The following S100PBP variants were observed in gnomAD, a reference collection of about 807,000 sequenced individuals.
The protein encoded by S100PBP is S100P binding protein.
S100PBP carries 15 observed loss-of-function variants against 39.9 expected under a neutral mutation model. That is an observed-to-expected ratio of 0.38 (90% CI 0.25 to 0.58). The LOEUF (loss-of-function observed/expected upper bound fraction) is 0.58, where lower values mean the gene tolerates loss of function less well. S100PBP is among the 20% of genes least tolerant of loss of function. The pLI, the probability that S100PBP is intolerant of heterozygous loss-of-function variation, is 0.70. For missense variants in S100PBP, 504 were observed against 487.3 expected (o/e 1.03, Z -0.32); for synonymous variants, 178 against 180.3 (o/e 0.99, Z 0.10).
intron 5 of S100PBP, among the ~76,000 whole-genome samples, chr1:32,841,024 G>A (rs953628463): frequency 1.3e-5 from 2 of 151,948 alleles, no homozygotes; most frequent in Non-Finnish European, 2.9e-5. Context: ...AGCTGGGCAT[G>A]GTGGCGGGTG....
intron 1 of S100PBP, chr1:32,818,611 T>C (rs370576325): frequency 1.3e-5 from 2 of 152,410 alleles, no homozygotes; most frequent in East Asian, 1.9e-4. Context: ...GCTTAGCGCA[T>C]CTGTTCTCTG....
rs1370702654 is a variant in S100PBP, at chr1:32,818,206, C to CT, written c.-120+518dup. ...CTGGGGGAGGGGCGGGGAGAAAACTCTCGCTTCTCCCGCTTTCCGCCGGGA... is the reference window on the plus strand; with the variant it reads ...CTGGGGGAGGGGCGGGGAGAAAACTCTTCGCTTCTCCCGCTTTCCGCCGGGA... On this transcript the variant is annotated intron_variant, in intron 1 of 6. Transcript: ENST00000373475. 8 of 152,288 alleles carry CT rather than the reference C, an allele frequency of 5.3e-5. No individual in the cohort carries two copies. In the East Asian group the frequency reaches 1.5e-3, roughly 29 times the overall value. The allele number at this position is 152,288 out of a possible 1,614,324, so 9.4% of individuals were successfully genotyped here. A position where few individuals can be genotyped will look rare whatever the true frequency, so the allele number is the denominator to read the frequency against.
intron 4 of S100PBP, 42 bp downstream of exon 4, chr1:32,828,123 C>G (rs751688473): frequency 2.2e-6 from 3 of 1,394,012 alleles, no homozygotes; most frequent in South Asian, 2.4e-5. Context: ...TATTTTGGTT[C>G]TCTTCAATTT....
intron 3 of S100PBP, among the ~76,000 whole-genome samples, chr1:32,827,607 G>A (rs1244148458): frequency 6.6e-6 from 1 of 151,866 alleles, no homozygotes; most frequent in African/African-American, 2.4e-5. Context: ...TCTCAGTCTC[G>A]AGTAGCTGGG....
intron 5 of S100PBP, among the ~76,000 whole-genome samples, chr1:32,840,927 G>C (rs574034720): frequency 6.6e-6 from 1 of 151,336 alleles, no homozygotes; most frequent in Admixed American, 6.6e-5. Flanking sequence ...TTGGGAGGCC[G>C]AGGTGGGCGG....
chr1:32,839,302 C>A (rs951846878), intron 5 of S100PBP, among the ~76,000 whole-genome samples: 2 of 152,202 alleles, frequency 1.3e-5, no homozygotes, highest in African/African-American at 4.8e-5. Context: ...TTTGTTGTTG[C>A]ATGTGTCAGA....
chr1:32,826,529 A>C lies in S100PBP; in HGVS notation c.430A>C (p.Ile144Leu). 2 of 1,614,084 alleles carry C rather than the reference A, an allele frequency of 1.2e-6. No homozygotes were observed. Among genetic ancestry groups the C allele is most frequent in the Non-Finnish European group, 1.7e-6 (2 of 1,180,028 alleles). The part of the protein sequence containing the change: ...NRRSVLEKNL[I>L]KVTVAPFNPT... The stretch of plus-strand genomic sequence containing the variant: ...ACGCTCTGTACTAGAAAAGAATCTT[A>C]TAAAAGTAACTGTTGCACCATTTAA... The change falls in exon 3 of 7, where the codon ATA becomes CTA. Residue 144 changes from isoleucine (I) to leucine (L), a missense_variant. Physicochemically the swap from Ile to Leu is conservative, Grantham distance 5. Transcript: ENST00000373475.
intron 1 of S100PBP, among the ~76,000 whole-genome samples, chr1:32,819,597 C>G (rs1250616119): frequency 6.6e-6 from 1 of 151,910 alleles, no homozygotes; most frequent in Non-Finnish European, 1.5e-5. Context: ...ATAAAGGGGT[C>G]CCCATATTTT....
chr1:32,840,670 T>G (rs1025028732), intron 5 of S100PBP, among the ~76,000 whole-genome samples: 2 of 152,142 alleles, frequency 1.3e-5, no homozygotes, highest in Admixed American at 6.6e-5. Context: ...TTTCTATTTT[T>G]CAATGGGAGT....
At position 32,826,583 on chromosome 1, in the gene S100PBP, A is replaced by G; in HGVS notation, c.484A>G (p.Lys162Glu). The G allele has an allele frequency of 6.2e-7, 1 of 1,613,894 alleles. No individual in the cohort carries two copies. The highest frequency in any genetic ancestry group is 2.2e-5 in the East Asian group (1 of 44,880). ...NPTVCDALLD[K>E]DETDSSKDTE... ...AACAGTTTGTGATGCTCTGCTTGATAAGGACGAGACTGATTCGTCCAAAGA... is the reference window on the plus strand; with the variant it reads ...AACAGTTTGTGATGCTCTGCTTGATGAGGACGAGACTGATTCGTCCAAAGA... Residue 162 changes from lysine (K) to glutamate (E), a missense_variant, in exon 3 of 7, where the codon AAG (lysine) becomes GAG (glutamate). Physicochemically the swap from Lys to Glu is moderately conservative, Grantham distance 56 (BLOSUM62 1). Coordinates refer to ENST00000373475, the MANE Select transcript of S100PBP (RefSeq NM_022753.4).
At chr1:32,824,822 CTATACATA>C (rs1639250233) in intron 1 of S100PBP, 1 of 19,544 alleles carries the variant, frequency 5.1e-5, no homozygotes, top group South Asian at 2.2e-3. Context: ...TGCATTTTTT[CTATACATA>C]TATATATATA....
chr1:32,854,793 G>A (rs1640759975), intron 6 of S100PBP, among the ~76,000 whole-genome samples: 1 of 152,042 alleles, frequency 6.6e-6, no homozygotes, highest in Admixed American at 6.6e-5. Context: ...TCTTCCTCTT[G>A]CTTCAGGGCC....
At chr1:32,817,257 C>T, upstream of S100PBP, 2 of 1,613,922 alleles carry the variant, frequency 1.2e-6, no homozygotes, top group African/African-American at 2.7e-5. Context: ...CTCCGCTACC[C>T]CTGCTTCCCC....
chr1:32,854,168 C>T lies in S100PBP; in HGVS notation c.1112+1002C>T, dbSNP rs906448472. Reference sequence around the variant, plus strand: ...CCCCATATTCAGTCTATCAGCAAATCCCATAGGTTCTGCATATACAGTTGT... The same window carrying T: ...CCCCATATTCAGTCTATCAGCAAATTCCATAGGTTCTGCATATACAGTTGT... On this transcript the variant is annotated intron_variant, in intron 6 of 6. Transcript: ENST00000373475. Among the ~76,000 whole-genome samples the T allele has an allele frequency of 1.6e-4, 24 of 152,254 alleles. 1 individual carries two copies. The highest frequency in any genetic ancestry group is 1.4e-3 in the Admixed American group (21 of 15,290).
intron 1 of S100PBP, among the ~76,000 whole-genome samples, chr1:32,824,290 A>G (rs577536856): frequency 2.6e-5 from 4 of 151,954 alleles, no homozygotes; most frequent in African/African-American, 9.6e-5. Context: ...GAAATTTTAT[A>G]GTTAACAAGG....
chr1:32,825,995 T>C (rs1315333598), intron 2 of S100PBP, 103 bp from the exon 3 acceptor site: 1 of 785,112 alleles, frequency 1.3e-6, no homozygotes, highest in East Asian at 2.5e-5. Context: ...CAAGTCACAG[T>C]GCAAAGATTT....
intron 5 of S100PBP, among the ~76,000 whole-genome samples, chr1:32,850,194 G>C (rs1346890903): frequency 6.6e-6 from 1 of 152,166 alleles, no homozygotes; most frequent in Non-Finnish European, 1.5e-5. Context: ...AGAAATGAGT[G>C]AGCTGAAGGA....
chr1:32,824,827 C>CATATGTAT (rs1553128558), intron 1 of S100PBP: 2 of 129,594 alleles, frequency 1.5e-5, no homozygotes, highest in Non-Finnish European at 3.1e-5. Flanking sequence ...TTTTTCTATA[C>CATATGTAT]ATATATATAT....
Position 32,826,529 on chromosome 1 carries a change from A to G in S100PBP, c.430A>G (p.Ile144Val). 1 of 1,614,084 alleles carries G rather than the reference A, an allele frequency of 6.2e-7. No homozygotes were observed. Residue 144 changes from isoleucine (I) to valine (V), a missense_variant, in exon 3 of 7, where the codon ATA becomes GTA. By Grantham distance (29) the Ile-to-Val change is conservative. Coordinates refer to ENST00000373475, the MANE Select transcript of S100PBP (RefSeq NM_022753.4). ...ACGCTCTGTACTAGAAAAGAATCTTATAAAAGTAACTGTTGCACCATTTAA... is the reference window on the plus strand; with the variant it reads ...ACGCTCTGTACTAGAAAAGAATCTTGTAAAAGTAACTGTTGCACCATTTAA... ...NRRSVLEKNLIKVTVAPFNPT... is the reference protein window; with the variant it reads ...NRRSVLEKNLVKVTVAPFNPT...
Sources: allele counts gnomAD v4.1 joint callset (sites outside exome capture counted in the v4.1 genomes callset), GRCh38; gene constraint gnomAD v4.1.1; transcripts MANE v1.5; gene names NCBI Gene and HGNC (gene_info 2026-07-23, HGNC 2026-07-21).